The following LRATD1 variants were observed in gnomAD, a reference collection of about 807,000 sequenced individuals.
The protein encoded by LRATD1 is protein LRATD1.
In LRATD1, 8 loss-of-function variants were observed where a neutral mutation model predicts 21.3. The observed-to-expected ratio is 0.38, with a 90% CI of 0.22 to 0.68. LRATD1 has a LOEUF of 0.68. Ranked by LOEUF, LRATD1 falls within the 30% of genes least tolerant of loss-of-function variation. The pLI, the probability that LRATD1 is intolerant of heterozygous loss-of-function variation, is 0.54. For missense variants in LRATD1, 380 were observed against 404.0 expected (o/e 0.94, Z 0.51); for synonymous variants, 210 against 186.2 (o/e 1.13, Z -1.04).
At chr2:14,640,063 G>A (rs1215836345), downstream of LRATD1, 1 of 167,026 alleles carries the variant, frequency 6.0e-6, no homozygotes, top group African/African-American at 2.4e-5. Flanking sequence ...CTTGTCATTT[G>A]GTCAGAAAGG....
intron 4 of LRATD1, among the ~76,000 whole-genome samples, chr2:14,648,902 C>A (rs1172375086): frequency 2.0e-5 from 3 of 152,146 alleles, no homozygotes; most frequent in African/African-American, 7.2e-5. Context: ...TTGAATCCCA[C>A]ATTTATTCAT....
intron 4 of LRATD1, among the ~76,000 whole-genome samples, chr2:14,647,554 C>A (rs1572304413): frequency 6.6e-6 from 1 of 152,188 alleles, no homozygotes; most frequent in Non-Finnish European, 1.5e-5. Flanking sequence ...AGATGGGGCC[C>A]TTGGGAGGTG....
rs1671727018 is a variant in LRATD1 at position 14,638,060 on chromosome 2, A to G, written c.*3202A>G. 6.0e-6 allele frequency: 1 copy of G among 166,892 alleles called. No homozygotes were observed. The highest frequency in any genetic ancestry group is 1.5e-5 in the Non-Finnish European group (1 of 68,070). 10.3% of individuals were successfully genotyped at this position (166,892 alleles called of 1,614,324 possible). On this transcript the variant is annotated 3_prime_UTR_variant, in exon 2 of 2. Transcript: ENST00000295092. ...TTTCAGGTAAAACAAACTATGATTT[A>G]AAAAAAGAAAAAAGAAAAGACAGGT...
downstream of LRATD1, among the ~76,000 whole-genome samples, chr2:14,644,136 G>T (rs879932429): frequency 6.6e-6 from 1 of 151,828 alleles, no homozygotes; most frequent in Non-Finnish European, 1.5e-5. Flanking sequence ...ACAAAGCATA[G>T]TCTAGATTTC....
At position 14,633,639 on chromosome 2, in the gene LRATD1, C is replaced by A. The variant is rs1411371493; in HGVS notation, c.-36-305C>A. 6.4e-6 allele frequency: 2 copies of A among 310,546 alleles called. No homozygotes were observed. The allele number at this position is 310,546 out of a possible 1,614,324, so 19.2% of individuals were successfully genotyped here. ...GTCTCCCACACTGCCACAGCCAGCACTCTCCTCCCCACCGGGACCCCGCAA... is the reference window on the plus strand; with the variant it reads ...GTCTCCCACACTGCCACAGCCAGCAATCTCCTCCCCACCGGGACCCCGCAA... On this transcript the variant is annotated intron_variant, in intron 1 of 1. Transcript: ENST00000295092. This position sits in a 1 kb window ranked among gnomAD's most constrained non-coding sequence, Gnocchi z 7.5.
rs1671632148 is a variant in LRATD1 at position 14,634,431 on chromosome 2, G to A, written c.452G>A (p.Gly151Glu). Reference sequence around the variant, plus strand: ...CACTGGGCCGTCTACGTGGGCGGCGGGCAGATCATCCACCTGCACCAAGGC... The same window carrying A: ...CACTGGGCCGTCTACGTGGGCGGCGAGCAGATCATCCACCTGCACCAAGGC... The part of the protein sequence containing the change: ...APHWAVYVGG[G>E]QIIHLHQGEI... The change falls in exon 2 of 2, where the codon GGG (glycine) becomes GAG (glutamate). Residue 151 changes from glycine (G) to glutamate (E), a missense_variant. Transcript: ENST00000295092. 1 of 1,525,122 alleles carries A rather than the reference G, an allele frequency of 6.6e-7. No individual in the cohort carries two copies. The highest frequency in any genetic ancestry group is 8.8e-7 in the Non-Finnish European group (1 of 1,140,186). 94.5% of individuals were successfully genotyped at this position (1,525,122 alleles called of 1,614,324 possible).
rs541134977 is a variant in LRATD1 at position 14,639,056 on chromosome 2, G to C, written c.*4198G>C. 6.0e-6 allele frequency: 1 copy of C among 166,146 alleles called. No individual in the cohort carries two copies. Among genetic ancestry groups the C allele is most frequent in the East Asian group, 1.9e-4 (1 of 5,156 alleles). 10.3% of individuals were successfully genotyped at this position (166,146 alleles called of 1,614,324 possible). A position where few individuals can be genotyped will look rare whatever the true frequency, so the allele number is the denominator to read the frequency against. On this transcript the variant is annotated 3_prime_UTR_variant, in exon 2 of 2. Transcript: ENST00000295092. ...CATATATACACATGTATATATACTT[G>C]TGTACACATACATTTTTGCCTATAG...
chr2:14,633,128 G>C lies in LRATD1; in HGVS notation c.-37+191G>C, dbSNP rs1290318363. On this transcript the variant is annotated intron_variant, in intron 1 of 1. Coordinates refer to ENST00000295092, the MANE Select transcript of LRATD1 (RefSeq NM_145175.4). This position sits in a 1 kb window ranked among gnomAD's most constrained non-coding sequence, Gnocchi z 7.5. ...CATCCTTCCCCTGCCTCTTTGTTAGGTTATTTTAGACAGAGCAGCCTCGCC... is the reference window on the plus strand; with the variant it reads ...CATCCTTCCCCTGCCTCTTTGTTAGCTTATTTTAGACAGAGCAGCCTCGCC... 6.6e-6 allele frequency among the ~76,000 whole-genome samples: 1 copy of C among 152,148 alleles called. No individual in the cohort carries two copies. The highest frequency in any genetic ancestry group is 1.5e-5 in the Non-Finnish European group (1 of 68,012).
exon 6 of LRATD1, chr2:14,649,586 T>C (rs1195077190): frequency 3.0e-6 from 1 of 329,926 alleles, no homozygotes; most frequent in African/African-American, 2.2e-5. Flanking sequence ...TTGGCCAGCC[T>C]CTTGTCCTCT....
Position 14,634,520 on chromosome 2 carries a change from T to C in LRATD1, c.541T>C (p.Trp181Arg), listed in dbSNP as rs769057020. 1.3e-6 allele frequency: 2 copies of C among 1,505,218 alleles called. No individual in the cohort carries two copies. The highest frequency in any genetic ancestry group is 8.9e-7 in the Non-Finnish European group (1 of 1,128,198). The allele number at this position is 1,505,218 out of a possible 1,614,324, so 93.2% of individuals were successfully genotyped here. ...CAACGTGGGCCGGGTGGTGAATAGC[T>C]GGTACCGCTACCGCCCGCTGGTGGC... ...AANVGRVVNS[W>R]YRYRPLVAEL... The change falls in exon 2 of 2, where the codon TGG becomes CGG. Residue 181 changes from tryptophan to arginine, a missense_variant. Physicochemically the swap from Trp to Arg is moderately radical, Grantham distance 101. Coordinates refer to ENST00000295092, the MANE Select transcript of LRATD1 (RefSeq NM_145175.4).
At chr2:14,650,893 A>T, downstream of LRATD1, 1 of 152,200 alleles carries the variant, frequency 6.6e-6, no homozygotes, top group South Asian at 2.1e-4. Context: ...AACATGAAAG[A>T]TTTTAGGATA....
At chr2:14,640,787 A>T (rs1221948539), downstream of LRATD1, among the ~76,000 whole-genome samples, 1 of 152,196 alleles carries the variant, frequency 6.6e-6, no homozygotes, top group Admixed American at 6.5e-5. Context: ...GATCATACCC[A>T]TGATGACTTT....
At chr2:14,651,595 T>A (rs918206340), downstream of LRATD1, among the ~76,000 whole-genome samples, 1 of 152,190 alleles carries the variant, frequency 6.6e-6, no homozygotes, top group Non-Finnish European at 1.5e-5. Flanking sequence ...AGTTGCAAAG[T>A]GATATCTCAT....
At position 14,638,230 on chromosome 2, in the gene LRATD1, A is replaced by C. The variant is rs1233240484; in HGVS notation, c.*3372A>C. ...GTACATTCCAAAAAAAAAAAAAAAA[A>C]AAAACTATAGAATTTACGTATGTTA... is the stretch of plus-strand genomic sequence containing the variant. On this transcript the variant is annotated 3_prime_UTR_variant, in exon 2 of 2. Coordinates refer to ENST00000295092, the MANE Select transcript of LRATD1 (RefSeq NM_145175.4). 1 of 165,866 alleles carries C rather than the reference A, an allele frequency of 6.0e-6. No homozygotes were observed. The highest frequency in any genetic ancestry group is 1.5e-5 in the Non-Finnish European group (1 of 67,766). 10.3% of individuals were successfully genotyped at this position (165,866 alleles called of 1,614,324 possible).
chr2:14,646,017 G>A (rs1572303388), intron 2 of LRATD1: 1 of 152,218 alleles, frequency 6.6e-6, no homozygotes, highest in Non-Finnish European at 1.5e-5. Context: ...TAACTCAGGG[G>A]TTCTGATCCA....
rs1317145533 is a variant in LRATD1, at chr2:14,633,160, C to A, written c.-37+223C>A. Among the ~76,000 whole-genome samples, 1 of 152,210 alleles carries A rather than the reference C, an allele frequency of 6.6e-6. No individual in the cohort carries two copies. Among genetic ancestry groups the A allele is most frequent in the East Asian group, 1.9e-4 (1 of 5,178 alleles). The stretch of plus-strand genomic sequence containing the variant: ...TAGACAGAGCAGCCTCGCCCTGGCG[C>A]AGTCCCATTGGCCCTGATGGGGACA... On this transcript the variant is annotated intron_variant, in intron 1 of 1. Coordinates refer to ENST00000295092, the MANE Select transcript of LRATD1 (RefSeq NM_145175.4). The surrounding 1 kb of genome is among the most constrained non-coding windows in gnomAD (Gnocchi z 7.5).
At chr2:14,651,720 T>A (rs545076983), downstream of LRATD1, among the ~76,000 whole-genome samples, 5 of 152,252 alleles carry the variant, frequency 3.3e-5, no homozygotes, top group African/African-American at 1.2e-4. Flanking sequence ...TTTGTCCATT[T>A]ATCTGATAGG....
chr2:14,649,383 T>C (rs1671962289), exon 5 of LRATD1: 1 of 456,444 alleles, frequency 2.2e-6, no homozygotes, highest in Non-Finnish European at 4.4e-6. Context: ...ACTCCTTGTA[T>C]TGCAACTGGA....
chr2:14,641,865 C>T (rs1303145102), downstream of LRATD1: 1 of 152,230 alleles, frequency 6.6e-6, no homozygotes, highest in East Asian at 1.9e-4. Context: ...ATGCTAGCCC[C>T]TCAGGTGGCT....
Sources: allele counts gnomAD v4.1 joint callset (sites outside exome capture counted in the v4.1 genomes callset), GRCh38; gene constraint gnomAD v4.1.1; non-coding constraint Gnocchi (gnomAD v3.1); transcripts MANE v1.5; gene names NCBI Gene and HGNC (gene_info 2026-07-23, HGNC 2026-07-21).